Variants in NFXL1 observed in about 807,000 individuals in gnomAD.
The protein encoded by NFXL1 is NF-X1-type zinc finger protein NFXL1.
NFXL1 carries 66 observed loss-of-function variants against 123.3 expected under a neutral mutation model. That is an observed-to-expected ratio of 0.54 (90% confidence interval 0.44 to 0.66). The LOEUF (loss-of-function observed/expected upper bound fraction) is 0.66. Among genes scored for constraint, NFXL1 ranks in the 30% least tolerant of loss-of-function variants. The pLI, the probability that NFXL1 is intolerant of heterozygous loss-of-function variation, is 0.00. For synonymous variants in NFXL1, 346 were observed against 360.8 expected (o/e 0.96, Z 0.46); for missense variants, 944 against 1,125.6 (o/e 0.84, Z 2.31).
intron 5 of NFXL1, among the ~76,000 whole-genome samples, chr4:47,900,938 AT>A (rs1185519030): frequency 6.6e-6 from 1 of 151,708 alleles, no homozygotes; most frequent in African/African-American, 2.4e-5. Context: ...GAAGAGTTCA[AT>A]TTTTTTTTAT....
At chr4:47,895,342 T>G (rs1737023089) in intron 10 of NFXL1, among the ~76,000 whole-genome samples, 1 of 152,250 alleles carries the variant, frequency 6.6e-6, no homozygotes. Flanking sequence ...CTTTGACGGT[T>G]TGAAGCTTTA....
rs938207203 is a variant in NFXL1, at chr4:47,859,841, C to CAA, written c.2316+3003_2316+3004dup. On this transcript the variant is annotated intron_variant, in intron 19 of 22. Coordinates refer to ENST00000507489, the MANE Select transcript of NFXL1 (RefSeq NM_001278624.2). ...CAGGCAACAGAGTGAGACTCCATCT[C>CAA]AAAAAAAAAAAAAAAAAAAAAAAAA... Among the ~76,000 whole-genome samples, 39 of 14,312 alleles carry CAA rather than the reference C, an allele frequency of 2.7e-3. 4 individuals are homozygous for CAA. Among genetic ancestry groups the CAA allele is most frequent in the African/African-American group, 8.6e-3 (34 of 3,942 alleles). 9.4% of individuals were successfully genotyped at this position (14,312 alleles called of 152,430 possible). A position where few individuals can be genotyped will look rare whatever the true frequency, so the allele number is the denominator to read the frequency against.
At chr4:47,850,927 ATACT>A in intron 22 of NFXL1, 164 bp downstream of exon 22, 1 of 565,382 alleles carries the variant, frequency 1.8e-6, no homozygotes, top group Non-Finnish European at 3.2e-6. Flanking sequence ...GAGTTTCAGT[ATACT>A]TAAAGTCAAG....
intron 17 of NFXL1, 35 bp from the exon 18 acceptor site, chr4:47,875,328 C>G: frequency 2.0e-6 from 3 of 1,517,102 alleles, no homozygotes; most frequent in Non-Finnish European, 2.7e-6. Flanking sequence ...CACCTAAGTA[C>G]AAGGTAAGCC....
chr4:47,896,624 C>T lies in NFXL1; in HGVS notation c.1228G>A (p.Asp410Asn), dbSNP rs184496927. 1.9e-6 allele frequency: 3 copies of T among 1,609,484 alleles called. No individual in the cohort carries two copies. Among genetic ancestry groups the T allele is most frequent in the African/African-American group, 2.7e-5 (2 of 74,822 alleles). The change falls in exon 10 of 23, where the codon GAT becomes AAT. Residue 410 changes from aspartate to asparagine, a missense_variant. Physicochemically the swap from Asp to Asn is conservative, Grantham distance 23. Transcript: ENST00000507489. The stretch of plus-strand genomic sequence containing the variant: ...CAACTGTCTCCACAAGTTGGTACAT[C>T]TTCTGTACAAGGCAAAGAAAACTCT... ...KSKFSLPCTE[D>N]VPTCGDSCDK... is the part of the protein sequence containing the mutation.
intron 15 of NFXL1, among the ~76,000 whole-genome samples, chr4:47,883,569 A>G (rs545033191): frequency 3.3e-5 from 5 of 152,354 alleles, no homozygotes; most frequent in African/African-American, 7.2e-5. Context: ...ATTTGTGCAT[A>G]TATCTCCTAA....
chr4:47,908,368 G>C (rs1258387465), intron 3 of NFXL1, among the ~76,000 whole-genome samples: 1 of 151,814 alleles, frequency 6.6e-6, no homozygotes, highest in African/African-American at 2.4e-5. Flanking sequence ...AGATTGTAGG[G>C]AGCTATGATC....
At chr4:47,885,311 T>C (rs964835590) in intron 14 of NFXL1, among the ~76,000 whole-genome samples, 187 bp downstream of exon 14, 3 of 152,092 alleles carry the variant, frequency 2.0e-5, no homozygotes, top group Non-Finnish European at 2.9e-5. Context: ...TTGCAAACAA[T>C]GGTTTCACTC....
At chr4:47,865,543 A>G (rs1025062946) in intron 18 of NFXL1, among the ~76,000 whole-genome samples, 2 of 151,814 alleles carry the variant, frequency 1.3e-5, no homozygotes, top group Non-Finnish European at 2.9e-5. Context: ...CAATGCAAGT[A>G]TTTTCATAGA....
At chr4:47,907,782 A>G (rs1305819421) in intron 3 of NFXL1, among the ~76,000 whole-genome samples, 1 of 152,242 alleles carries the variant, frequency 6.6e-6, no homozygotes, top group Non-Finnish European at 1.5e-5. Flanking sequence ...ACTGAAAGAC[A>G]TTATTGCATT....
At position 47,899,101 on chromosome 4, in the gene NFXL1, T is replaced by C. The variant is rs759203986; in HGVS notation, c.846A>G (p.Pro282=). Residue 282 remains proline (P), a synonymous_variant, in exon 7 of 23, where the codon CCA becomes CCG. Coordinates refer to ENST00000507489, the MANE Select transcript of NFXL1 (RefSeq NM_001278624.2). ...AGTAACAAGTAGTTGTGACCATCTT[T>C]GGACAAGGAGGGCAGGGACCTAGAA... is the stretch of plus-strand genomic sequence containing the variant. ...LCHPGPCPPC[P]KMVTTTCYCK... The C allele has an allele frequency of 5.6e-6, 9 of 1,603,226 alleles. No individual in the cohort carries two copies. The East Asian group carries it at 2.0e-4, about 36-fold the overall frequency.
intron 20 of NFXL1, 51 bp from the exon 21 acceptor site, chr4:47,851,993 T>C (rs1038996501): frequency 2.8e-5 from 36 of 1,298,430 alleles, no homozygotes; most frequent in Non-Finnish European, 3.9e-5. Flanking sequence ...CTCAAAGACC[T>C]GTCTGCCATA....
At position 47,851,934 on chromosome 4, in the gene NFXL1, C is replaced by T. The variant is rs1486524672; in HGVS notation, c.2430G>A (p.Gln810=). 1.9e-6 allele frequency: 3 copies of T among 1,606,864 alleles called. No homozygotes were observed. The Admixed American group carries it at 5.0e-5, about 27-fold the overall frequency. The change falls in exon 21 of 23, where the codon CAG becomes CAA. Residue 810 remains glutamine (Q), a synonymous_variant. Transcript: ENST00000507489. ...CPCKRIKKEL[Q]CNKVRENQVS... ...CCTGATTTTCACGTACTTTGTTGCA[C>T]TGCAATTCCTACAAACAACCCGATT...
chr4:47,880,822 A>G (rs1231314399), intron 15 of NFXL1, among the ~76,000 whole-genome samples: 1 of 151,012 alleles, frequency 6.6e-6, no homozygotes, highest in Non-Finnish European at 1.5e-5. Flanking sequence ...AAAAAAAAAA[A>G]AAAAAAAACG....
At chr4:47,852,200 T>G in intron 20 of NFXL1, 1 of 372,828 alleles carries the variant, frequency 2.7e-6, no homozygotes. Flanking sequence ...ACTATTGGAC[T>G]TAGCTCCCAT....
intron 14 of NFXL1, among the ~76,000 whole-genome samples, chr4:47,884,853 G>A (rs1016569388): frequency 3.3e-5 from 5 of 152,068 alleles, no homozygotes; most frequent in African/African-American, 1.2e-4. Context: ...TGGGCTGGAC[G>A]TGGTGCCTCA....
intron 11 of NFXL1, among the ~76,000 whole-genome samples, chr4:47,892,094 G>A (rs1736807236): frequency 6.6e-6 from 1 of 152,158 alleles, no homozygotes; most frequent in South Asian, 2.1e-4. Flanking sequence ...TTATGATGGA[G>A]TAACAACAAC....
At chr4:47,884,999 C>G (rs987992504) in intron 14 of NFXL1, among the ~76,000 whole-genome samples, 2 of 151,624 alleles carry the variant, frequency 1.3e-5, no homozygotes, top group African/African-American at 4.8e-5. Flanking sequence ...TGGTAGCAGG[C>G]ACCTATAATC....
chr4:47,885,878 C>A lies in NFXL1; in HGVS notation c.1664+1G>T. Reference sequence around the variant, plus strand: ...AAGCTTGTGCAAAGCTTCAAACTCACCTGCATTGCTCCTTGCACTTGGGTG... The same window carrying A: ...AAGCTTGTGCAAAGCTTCAAACTCAACTGCATTGCTCCTTGCACTTGGGTG... On this transcript the variant is annotated splice_donor_variant, in intron 13 of 22. Coordinates refer to ENST00000507489, the MANE Select transcript of NFXL1 (RefSeq NM_001278624.2). LOFTEE classifies it high-confidence loss of function. 1 of 1,612,298 alleles carries A rather than the reference C, an allele frequency of 6.2e-7. No individual in the cohort carries two copies. Among genetic ancestry groups the A allele is most frequent in the Non-Finnish European group, 8.5e-7 (1 of 1,179,506 alleles).
Sources: gnomAD v4.1 joint callset for allele counts (sites outside exome capture counted in the v4.1 genomes callset) on GRCh38, gnomAD v4.1.1 for gene constraint, MANE v1.5 for transcripts, NCBI Gene and HGNC (gene_info 2026-07-23, HGNC 2026-07-21) for gene names.